PIK3C2B: variants seen among roughly 807,000 people sequenced by gnomAD.
PIK3C2B encodes phosphatidylinositol 4-phosphate 3-kinase C2 domain-containing subunit beta.
In PIK3C2B, 83 loss-of-function variants were observed where a neutral mutation model predicts 184.3. The observed-to-expected ratio is 0.45, with a 90% CI of 0.38 to 0.54. PIK3C2B has a LOEUF of 0.54. Among genes scored for constraint, PIK3C2B ranks in the 20% least tolerant of loss-of-function variants. The pLI is 0.00. For missense variants in PIK3C2B, 1,736 were observed against 2,113.5 expected, an observed-to-expected ratio of 0.82 and a Z score of 3.50; for synonymous variants, 779 against 837.6, an observed-to-expected ratio of 0.93 and a Z score of 1.21.
chr1:204,452,621 CTTGAGGACCT>C (rs1206312712), intron 12 of PIK3C2B, among the ~76,000 whole-genome samples: 2 of 141,602 alleles, frequency 1.4e-5, no homozygotes, highest in Non-Finnish European at 3.1e-5. Flanking sequence ...CAGTTGTTTG[CTTGAGGACCT>C]TTAATGCACA....
intron 2 of PIK3C2B, chr1:204,467,053 T>C (rs1272743464): frequency 4.6e-6 from 2 of 436,604 alleles, no homozygotes; most frequent in African/African-American, 2.1e-5. Context: ...CACTCAGAAC[T>C]GGCAAGAGCT....
chr1:204,463,138 C>T (rs891539017), intron 5 of PIK3C2B, among the ~76,000 whole-genome samples: 1 of 152,180 alleles, frequency 6.6e-6, no homozygotes, highest in Non-Finnish European at 1.5e-5. Flanking sequence ...ATCAACCATC[C>T]TTGCATCTAG....
In PIK3C2B at chr1:204,469,379, G is replaced by T. The variant is rs763440402; in HGVS notation, c.424C>A (p.Pro142Thr). ...GAGCCCTCTATGTCCCCTGGTCCTG[G>T]GGACGAAGAGACTCCCCCATCTGAA... ...DGSDGGVSSS[P>T]GPGDIEGSCK... Residue 142 changes from proline (P) to threonine (T), a missense_variant, in exon 2 of 33, where the codon CCA becomes ACA. Around this residue, in one of 8 missense-constraint regions of PIK3C2B, gnomAD observed 404 missense variants for 418.0 expected, o/e 0.97. Transcript: ENST00000684373. The T allele has an allele frequency of 6.5e-7, 1 of 1,531,426 alleles. No homozygotes were observed. Among genetic ancestry groups the T allele is most frequent in the Non-Finnish European group, 8.7e-7 (1 of 1,143,066 alleles). 94.9% of individuals were successfully genotyped at this position (1,531,426 alleles called of 1,614,324 possible). A position where few individuals can be genotyped will look rare whatever the true frequency, so the allele number is the denominator to read the frequency against.
rs1654904714 is a variant in PIK3C2B at position 204,456,905 on chromosome 1, CA to C, written c.1747+131del. ...ACACACACACACACACACACACACACACCCACACACACACACACACCAGCCG... is the reference window on the plus strand; with the variant it reads ...ACACACACACACACACACACACACACCCCACACACACACACACACCAGCCG... On this transcript the variant is annotated intron_variant, in intron 10 of 32. Transcript: ENST00000684373. 72 of 135,530 alleles carry C rather than the reference CA, an allele frequency of 5.3e-4. 1 individual carries two copies. Among genetic ancestry groups the C allele is most frequent in the African/African-American group, 9.2e-4 (22 of 23,956 alleles). The allele number at this position is 135,530 out of a possible 1,614,324, so 8.4% of individuals were successfully genotyped here.
chr1:204,490,575 AG>A (rs1289239845), intron 1 of PIK3C2B, among the ~76,000 whole-genome samples: 4 of 152,144 alleles, frequency 2.6e-5, no homozygotes, highest in Non-Finnish European at 5.9e-5. Flanking sequence ...ACTTTTTCTC[AG>A]GGAAGTGATG....
At chr1:204,490,194 A>C in intron 1 of PIK3C2B, 1 of 360,504 alleles carries the variant, frequency 2.8e-6, no homozygotes, top group Non-Finnish European at 4.9e-6. Flanking sequence ...CTTCCTACAG[A>C]GAGTTCTCAG....
chr1:204,423,986 C>T lies in PIK3C2B; in HGVS notation c.*866G>A, dbSNP rs1339546358. 6.5e-6 allele frequency: 1 copy of T among 152,690 alleles called. No individual in the cohort carries two copies. The highest frequency in any genetic ancestry group is 2.4e-5 in the African/African-American group (1 of 41,418). 9.5% of individuals were successfully genotyped at this position (152,690 alleles called of 1,614,324 possible). A position where few individuals can be genotyped will look rare whatever the true frequency, so the allele number is the denominator to read the frequency against. On this transcript the variant is annotated 3_prime_UTR_variant, in exon 33 of 33. Transcript: ENST00000684373. ...ATATTCATAGAGACCAGCTGACCCCCAGAAGGGCCAGGAGAATGGAGGGGC... is the reference window on the plus strand; with the variant it reads ...ATATTCATAGAGACCAGCTGACCCCTAGAAGGGCCAGGAGAATGGAGGGGC...
intron 31 of PIK3C2B, among the ~76,000 whole-genome samples, chr1:204,426,033 T>A (rs952986313): frequency 6.6e-6 from 1 of 152,254 alleles, no homozygotes; most frequent in Admixed American, 6.5e-5. Flanking sequence ...TGAACCATCA[T>A]GTTCCCAGGT....
chr1:204,488,800 T>C (rs1310924827), intron 1 of PIK3C2B, among the ~76,000 whole-genome samples: 1 of 152,182 alleles, frequency 6.6e-6, no homozygotes, highest in African/African-American at 2.4e-5. Flanking sequence ...ACTGATGAGT[T>C]CACAAGGCAA....
In PIK3C2B at chr1:204,460,601, A is replaced by G; in HGVS notation, c.1371T>C (p.Ile457=). Reference sequence around the variant, plus strand: ...CCTTCTGCTCCATCAGCTGTAGCCGAATGTCAATGTCAAACTTGCGGCAGT... The same window carrying G: ...CCTTCTGCTCCATCAGCTGTAGCCGGATGTCAATGTCAAACTTGCGGCAGT... ...IQYCRKFDID[I]RLQLMEQKVV... The change falls in exon 6 of 33, where the codon ATT becomes ATC. Residue 457 remains isoleucine (I), a synonymous_variant. Coordinates refer to ENST00000684373, the MANE Select transcript of PIK3C2B (RefSeq NM_001377334.1). 6.2e-7 allele frequency: 1 copy of G among 1,614,094 alleles called. No homozygotes were observed. The highest frequency in any genetic ancestry group is 1.1e-5 in the South Asian group (1 of 91,080).
chr1:204,467,249 C>CA, intron 2 of PIK3C2B: 1 of 254,580 alleles, frequency 3.9e-6, no homozygotes, highest in East Asian at 1.1e-4. Context: ...GTGAGGAACT[C>CA]AGAGCTGGGA....
intron 12 of PIK3C2B, among the ~76,000 whole-genome samples, chr1:204,450,829 G>T (rs374954932): frequency 1.9e-4 from 29 of 152,294 alleles, no homozygotes; most frequent in African/African-American, 6.7e-4. Context: ...GGGAGCTGTG[G>T]AAAGGCAGGG....
intron 1 of PIK3C2B, among the ~76,000 whole-genome samples, chr1:204,488,266 G>A (rs1451704067): frequency 6.6e-6 from 1 of 152,182 alleles, no homozygotes; most frequent in African/African-American, 2.4e-5. Flanking sequence ...TGAATGAGAA[G>A]AGGCACTGAA....
intron 1 of PIK3C2B, among the ~76,000 whole-genome samples, chr1:204,473,810 C>T (rs1315981876): frequency 1.3e-5 from 2 of 152,166 alleles, no homozygotes; most frequent in Non-Finnish European, 1.5e-5. Flanking sequence ...AGGCACAATC[C>T]TCTTCTGCTC....
At chr1:204,427,833 A>C (rs937330669) in intron 30 of PIK3C2B, 79 bp from the exon 31 acceptor site, 17 of 969,276 alleles carry the variant, frequency 1.8e-5, no homozygotes, top group Non-Finnish European at 2.6e-5. Context: ...CCCTTGCCCC[A>C]GCCTCTCCAT....
Position 204,433,377 on chromosome 1 carries a change from A to C in PIK3C2B, c.3892T>G (p.Tyr1298Asp), listed in dbSNP as rs992472191. Residue 1298 changes from tyrosine (Y) to aspartate (D), a missense_variant, in exon 26 of 33, where the codon TAT (tyrosine) becomes GAT (aspartate). Physicochemically the swap from Tyr to Asp is radical, Grantham distance 160. This residue lies in a region of PIK3C2B where 119 missense variants were observed against 179.3 expected (regional missense o/e 0.66). Coordinates refer to ENST00000684373, the MANE Select transcript of PIK3C2B (RefSeq NM_001377334.1). This position sits in a 1 kb window ranked among gnomAD's most constrained non-coding sequence, Gnocchi z 5.0. ...TGAGGCCTCAGGGCATCGTACACAT[A>C]CTTGAGGTCCTCCAGGTCTGAGAGT... ...PELSDLEDLKYVYDALRPQDT... is the reference protein window; with the variant it reads ...PELSDLEDLKDVYDALRPQDT... 1 of 1,612,810 alleles carries C rather than the reference A, an allele frequency of 6.2e-7. No homozygotes were observed. Among genetic ancestry groups the C allele is most frequent in the Non-Finnish European group, 8.5e-7 (1 of 1,178,760 alleles).
chr1:204,469,682 G>A lies in PIK3C2B; in HGVS notation c.121C>T (p.Arg41Trp), dbSNP rs375270855. The A allele has an allele frequency of 9.8e-5, 158 of 1,614,026 alleles. No homozygotes were observed. Among genetic ancestry groups the A allele is most frequent in the Non-Finnish European group, 1.2e-4 (144 of 1,179,968 alleles). The change falls in exon 2 of 33, where the codon CGG becomes TGG. Residue 41 changes from arginine (R) to tryptophan (W), a missense_variant. Around this residue, in one of 8 missense-constraint regions of PIK3C2B, gnomAD observed 404 missense variants for 418.0 expected, o/e 0.97. Coordinates refer to ENST00000684373, the MANE Select transcript of PIK3C2B (RefSeq NM_001377334.1). ...QMEYDALSRL[R>W]HDKEENRAKQ... ...GCTCTGTTCTCCTCCTTGTCATGCC[G>A]GAGCCGGGACAGGGCATCATACTCC...
chr1:204,442,742 CCT>C (rs1413154195), intron 19 of PIK3C2B, 109 bp from the exon 20 acceptor site: 12 of 702,684 alleles, frequency 1.7e-5, no homozygotes, highest in South Asian at 5.2e-5. Context: ...AAAACCACCC[CCT>C]GAGAAGTGTG....
At chr1:204,474,286 C>T (rs1174311108) in intron 1 of PIK3C2B, among the ~76,000 whole-genome samples, 1 of 152,186 alleles carries the variant, frequency 6.6e-6, no homozygotes, top group Non-Finnish European at 1.5e-5. Context: ...CCACCGTGCC[C>T]GGCTCCCCTT....
Sources: allele counts gnomAD v4.1 joint callset (sites outside exome capture counted in the v4.1 genomes callset), GRCh38; gene constraint gnomAD v4.1.1; regional missense constraint gnomAD v4.1.1; non-coding constraint Gnocchi (gnomAD v3.1); transcripts MANE v1.5; gene names NCBI Gene and HGNC (gene_info 2026-07-23, HGNC 2026-07-21).